Variants in TBCD observed in about 807,000 individuals in gnomAD.
TBCD encodes the protein tubulin-specific chaperone D.
Under a neutral mutation model 169.3 loss-of-function variants are expected in TBCD, and 105 were observed. That is an observed-to-expected ratio of 0.62 (90% CI 0.53 to 0.73). The LOEUF is 0.73. Among genes scored for constraint, TBCD ranks in the 30% least tolerant of loss-of-function variants. The probability of loss-of-function intolerance (pLI) is 0.00; values close to 1 mark genes in which losing one functional copy is unlikely to be tolerated. For synonymous variants in TBCD, 700 were observed against 643.9 expected (o/e 1.09, Z -1.32); for missense variants, 1,444 against 1,600.1 (o/e 0.90, Z 1.66).
At chr17:82,887,131 C>CTGTGTGTG (rs771003321) in intron 15 of TBCD, among the ~76,000 whole-genome samples, 2,768 of 123,274 alleles carry the variant, frequency 0.022, 71 homozygotes, top group Admixed American at 0.065. Context: ...TACCTGTACT[C>CTGTGTGTG]TGTGTGTGTG....
At position 82,940,446 on chromosome 17, in the gene TBCD, C is replaced by T. The variant is rs576498707; in HGVS notation, c.3480-953C>T. 1.6e-3 allele frequency among the ~76,000 whole-genome samples: 238 copies of T among 152,284 alleles called. 2 individuals are homozygous for T. Among genetic ancestry groups the T allele is most frequent in the Non-Finnish European group, 1.7e-3 (117 of 68,020 alleles). ...CGTTGCTACAGGTCTGTGGGGTCCA[C>T]GCCCCTTGTTGAATCCAGCAAGGAC... On this transcript the variant is annotated intron_variant, in intron 37 of 38. Coordinates refer to ENST00000355528, the MANE Select transcript of TBCD (RefSeq NM_005993.5).
chr17:82,769,079 C>G (rs1568105946), intron 5 of TBCD, among the ~76,000 whole-genome samples: 1 of 152,206 alleles, frequency 6.6e-6, no homozygotes, highest in Non-Finnish European at 1.5e-5. Flanking sequence ...TTACCCCAAA[C>G]TTGAGTGTTT....
chr17:82,859,877 T>C lies in TBCD; in HGVS notation c.1319-10347T>C. ...AAAGAAAACCCTTGAGATAACTGGG[T>C]TGGAGACAGGGAGCAGGCTTGTCAT... On this transcript the variant is annotated intron_variant, in intron 13 of 38. Transcript: ENST00000355528. The C allele has an allele frequency of 2.0e-6, 2 of 985,380 alleles. 1 individual carries two copies. The highest frequency in any genetic ancestry group is 9.4e-5 in the South Asian group (2 of 21,260). 61.0% of individuals were successfully genotyped at this position (985,380 alleles called of 1,614,324 possible). A position where few individuals can be genotyped will look rare whatever the true frequency, so the allele number is the denominator to read the frequency against.
intron 7 of TBCD, among the ~76,000 whole-genome samples, chr17:82,783,983 G>A (rs1166637999): frequency 1.3e-5 from 2 of 152,114 alleles, no homozygotes; most frequent in Admixed American, 6.5e-5. Context: ...AAAATAGCCA[G>A]GCATAGTGGC....
chr17:82,855,976 G>A lies in TBCD; in HGVS notation c.1319-14248G>A, dbSNP rs8065288. Among the ~76,000 whole-genome samples, 736 of 145,580 alleles carry A rather than the reference G, an allele frequency of 5.1e-3. 10 individuals carry two copies. The highest frequency in any genetic ancestry group is 0.018 in the African/African-American group (703 of 38,444). On this transcript the variant is annotated intron_variant, in intron 13 of 38. Coordinates refer to ENST00000355528, the MANE Select transcript of TBCD (RefSeq NM_005993.5). Reference sequence around the variant, plus strand: ...TGGCTGAATAATATTGCTTTGTATGGGTAGACTCCCCCCCCACTTTTTTTT... The same window carrying A: ...TGGCTGAATAATATTGCTTTGTATGAGTAGACTCCCCCCCCACTTTTTTTT...
At chr17:82,844,249 G>A (rs948075814) in intron 13 of TBCD, among the ~76,000 whole-genome samples, 1 of 149,082 alleles carries the variant, frequency 6.7e-6, no homozygotes, top group Non-Finnish European at 1.5e-5. Context: ...AAAGACCTGG[G>A]GTCTTGCTGT....
In TBCD at chr17:82,831,991, C is replaced by T. The variant is rs936983261; in HGVS notation, c.1318+17057C>T. 13 of 1,612,784 alleles carry T rather than the reference C, an allele frequency of 8.1e-6. No individual in the cohort carries two copies. The highest frequency in any genetic ancestry group is 1.0e-5 in the Non-Finnish European group (12 of 1,179,078). ...AACAAATGCAGAAGGCCGAGCTGCG[C>T]CTTCCAGAGCAGGCTGGGCACCGAG... On this transcript the variant is annotated intron_variant, in intron 13 of 38. Transcript: ENST00000355528. This position sits in a 1 kb window ranked among gnomAD's most constrained non-coding sequence, Gnocchi z 4.6.
In TBCD at chr17:82,907,075, C is replaced by T. The variant is rs117703302; in HGVS notation, c.1923-686C>T. On this transcript the variant is annotated intron_variant, in intron 20 of 38. Transcript: ENST00000355528. ...CCCAGGCTAGACTGGGGTCTGGCCACGTGGGCACCTCCGCCTGGCACGAAA... is the reference window on the plus strand; with the variant it reads ...CCCAGGCTAGACTGGGGTCTGGCCATGTGGGCACCTCCGCCTGGCACGAAA... 3.2e-3 allele frequency among the ~76,000 whole-genome samples: 487 copies of T among 152,352 alleles called. 5 individuals carry two copies. The highest frequency in any genetic ancestry group is 8.1e-3 in the South Asian group (39 of 4,826).
At chr17:82,753,128 C>T (rs182796426) in intron 1 of TBCD, among the ~76,000 whole-genome samples, 17 of 152,264 alleles carry the variant, frequency 1.1e-4, no homozygotes, top group Admixed American at 9.2e-4. Flanking sequence ...GTAAAATCAT[C>T]TTTGTAGACC....
chr17:82,790,323 C>G (rs565343509), intron 7 of TBCD, among the ~76,000 whole-genome samples: 4 of 152,348 alleles, frequency 2.6e-5, no homozygotes, highest in African/African-American at 9.6e-5. Flanking sequence ...TTGATCCTGG[C>G]AGCACACCTG....
intron 20 of TBCD, among the ~76,000 whole-genome samples, chr17:82,906,595 G>C (rs910625518): frequency 6.6e-6 from 1 of 152,248 alleles, no homozygotes; most frequent in Admixed American, 6.5e-5. Flanking sequence ...GTCGTCTTAC[G>C]TTTCTTCCCA....
rs1229145821 is a variant in TBCD, at chr17:82,832,900, G to T, written c.1318+17966G>T. Among the ~76,000 whole-genome samples, 1 of 152,190 alleles carries T rather than the reference G, an allele frequency of 6.6e-6. No individual in the cohort carries two copies. Among genetic ancestry groups the T allele is most frequent in the Non-Finnish European group, 1.5e-5 (1 of 68,036 alleles). On this transcript the variant is annotated intron_variant, in intron 13 of 38. Coordinates refer to ENST00000355528, the MANE Select transcript of TBCD (RefSeq NM_005993.5). This position sits in a 1 kb window ranked among gnomAD's most constrained non-coding sequence, Gnocchi z 4.9. ...TCGGGGCCTAGAGGTGGAGTGTGGTGTGTGGTGCGTTGAGTGTCTGTTCTG... is the reference window on the plus strand; with the variant it reads ...TCGGGGCCTAGAGGTGGAGTGTGGTTTGTGGTGCGTTGAGTGTCTGTTCTG...
intron 14 of TBCD, among the ~76,000 whole-genome samples, chr17:82,871,659 G>A (rs1357326740): frequency 1.3e-5 from 2 of 152,172 alleles, no homozygotes; most frequent in Non-Finnish European, 2.9e-5. Context: ...TGGTCTGGGC[G>A]GGGCGGGGCG....
At chr17:82,892,455 C>A (rs966394431) in intron 16 of TBCD, among the ~76,000 whole-genome samples, 2 of 152,130 alleles carry the variant, frequency 1.3e-5, no homozygotes, top group African/African-American at 4.8e-5. Context: ...TCTCCATCAG[C>A]CCAAGCTCCC....
chr17:82,831,448 G>A lies in TBCD; in HGVS notation c.1318+16514G>A, dbSNP rs1440648990. On this transcript the variant is annotated intron_variant, in intron 13 of 38. Transcript: ENST00000355528. This position sits in a 1 kb window ranked among gnomAD's most constrained non-coding sequence, Gnocchi z 4.6. ...ATCTCGGGTGAGGCCAGTGACAGGTGGGAGTCTGAGACCATAGGAGGAAAA... is the reference window on the plus strand; with the variant it reads ...ATCTCGGGTGAGGCCAGTGACAGGTAGGAGTCTGAGACCATAGGAGGAAAA... The A allele has an allele frequency of 6.2e-7, 1 of 1,614,174 alleles. No homozygotes were observed. Among genetic ancestry groups the A allele is most frequent in the Non-Finnish European group, 8.5e-7 (1 of 1,180,022 alleles).
chr17:82,769,866 G>A (rs1475909348), intron 5 of TBCD, among the ~76,000 whole-genome samples: 1 of 130,974 alleles, frequency 7.6e-6, no homozygotes, highest in African/African-American at 3.2e-5. Flanking sequence ...GACAGAGCGA[G>A]AGTCCATCTC....
chr17:82,905,173 C>G (rs2060152555), intron 19 of TBCD, among the ~76,000 whole-genome samples: 1 of 152,232 alleles, frequency 6.6e-6, no homozygotes, highest in Admixed American at 6.5e-5. Context: ...TGCCTCTGTC[C>G]TGCTCCGCCC....
chr17:82,767,724 A>G (rs1410646916), intron 4 of TBCD, among the ~76,000 whole-genome samples: 1 of 152,168 alleles, frequency 6.6e-6, no homozygotes, highest in Non-Finnish European at 1.5e-5. Flanking sequence ...TGGGAGGCCA[A>G]GGTGGGCGGA....
intron 13 of TBCD, among the ~76,000 whole-genome samples, chr17:82,853,783 G>A (rs12452304): frequency 0.27 from 40,979 of 152,024 alleles, 6,052 homozygotes; most frequent in Admixed American, 0.34. Context: ...CATTTTAGAT[G>A]TATGTTGAGT....
Sources: allele counts gnomAD v4.1 joint callset (sites outside exome capture counted in the v4.1 genomes callset), GRCh38; gene constraint gnomAD v4.1.1; non-coding constraint Gnocchi (gnomAD v3.1); transcripts MANE v1.5; gene names NCBI Gene and HGNC (gene_info 2026-07-23, HGNC 2026-07-21).